KLHL32: variants seen among roughly 807,000 people sequenced by gnomAD.
KLHL32 encodes the protein kelch like family member 32.
KLHL32 carries 35 observed loss-of-function variants against 64.8 expected under a neutral mutation model. That is an observed-to-expected ratio of 0.54 (90% CI 0.41 to 0.72). The LOEUF is 0.72. Ranked by LOEUF, KLHL32 falls within the 30% of genes least tolerant of loss-of-function variation. KLHL32 has a pLI of 0.00. For missense variants in KLHL32, 589 were observed against 768.5 expected (o/e 0.77, Z 2.76); for synonymous variants, 259 against 281.0 (o/e 0.92, Z 0.78).
intron 3 of KLHL32, among the ~76,000 whole-genome samples, chr6:96,995,326 T>C (rs1461005970): frequency 6.6e-6 from 1 of 152,208 alleles, no homozygotes; most frequent in African/African-American, 2.4e-5. Flanking sequence ...AGAATAACTT[T>C]TTAATTTCAT....
intron 8 of KLHL32, among the ~76,000 whole-genome samples, chr6:97,130,523 A>G (rs1799323698): frequency 6.6e-6 from 1 of 152,190 alleles, no homozygotes; most frequent in Non-Finnish European, 1.5e-5. Flanking sequence ...ATGCAACACA[A>G]ACTAGAGGAG....
At chr6:97,131,944 T>G (rs1283870843) in intron 9 of KLHL32, among the ~76,000 whole-genome samples, 2 of 152,140 alleles carry the variant, frequency 1.3e-5, no homozygotes, top group Non-Finnish European at 2.9e-5. Flanking sequence ...GTCAATCCTG[T>G]GTCAGCCCAT....
In KLHL32 at chr6:97,052,088, A is replaced by G. The variant is rs117203043; in HGVS notation, c.312+10489A>G. ...CTTACACAAATTACTCTAAGCACCA[A>G]TAGAATTTCCTAACCATATGTAAAA... is the stretch of plus-strand genomic sequence containing the variant. On this transcript the variant is annotated intron_variant, in intron 4 of 10. Coordinates refer to ENST00000369261, the MANE Select transcript of KLHL32 (RefSeq NM_052904.4). Among the ~76,000 whole-genome samples the G allele has an allele frequency of 4.4e-3, 670 of 152,332 alleles. 2 individuals carry two copies. Among genetic ancestry groups the G allele is most frequent in the Non-Finnish European group, 7.6e-3 (517 of 68,032 alleles).
At chr6:97,042,464 T>G (rs1057240476) in intron 4 of KLHL32, among the ~76,000 whole-genome samples, 2 of 152,214 alleles carry the variant, frequency 1.3e-5, no homozygotes, top group Non-Finnish European at 2.9e-5. Context: ...TGGGAGCTCA[T>G]TTTTCTACTG....
chr6:97,077,917 A>G (rs1056746956), intron 5 of KLHL32, among the ~76,000 whole-genome samples: 2 of 152,192 alleles, frequency 1.3e-5, no homozygotes, highest in Admixed American at 1.3e-4. Context: ...TACTAGGTAC[A>G]TTTTTAATAG....
chr6:97,009,657 A>G lies in KLHL32; in HGVS notation c.205-31835A>G, dbSNP rs908899113. 3.9e-5 allele frequency among the ~76,000 whole-genome samples: 6 copies of G among 152,322 alleles called. No individual in the cohort carries two copies. In the South Asian group the frequency reaches 6.2e-4, roughly 16 times the overall value. On this transcript the variant is annotated intron_variant, in intron 3 of 10. Coordinates refer to ENST00000369261, the MANE Select transcript of KLHL32 (RefSeq NM_052904.4). The stretch of plus-strand genomic sequence containing the variant: ...TTACTGTTTTGAACATAATTTGTTT[A>G]CTACTTTGAATTCCCTATTTGATGG...
chr6:97,118,037 C>T (rs1052080765), intron 7 of KLHL32, among the ~76,000 whole-genome samples: 2 of 152,146 alleles, frequency 1.3e-5, no homozygotes, highest in African/African-American at 4.8e-5. Context: ...ATTTAGCAAA[C>T]ATACTTCCTG....
At chr6:96,982,715 T>C (rs1448802565) in intron 3 of KLHL32, among the ~76,000 whole-genome samples, 2 of 152,198 alleles carry the variant, frequency 1.3e-5, no homozygotes, top group African/African-American at 4.8e-5. Context: ...GCTTGTGATT[T>C]TTGCACATTG....
chr6:96,932,863 A>C (rs1441672258), intron 1 of KLHL32, among the ~76,000 whole-genome samples: 1 of 152,030 alleles, frequency 6.6e-6, no homozygotes, highest in East Asian at 1.9e-4. Context: ...GAGCCACTGT[A>C]CCTTACCAAG....
chr6:96,937,757 G>C lies in KLHL32; in HGVS notation c.-66+12731G>C, dbSNP rs1450527091. Among the ~76,000 whole-genome samples, 2 of 152,094 alleles carry C rather than the reference G, an allele frequency of 1.3e-5. 1 individual carries two copies. Among genetic ancestry groups the C allele is most frequent in the Non-Finnish European group, 2.9e-5 (2 of 68,016 alleles). ...CCTCACAGCTGCCCTTCTGCCTTCA[G>C]CTTCCTTACAGCTTCTCTGTGCCAC... is the stretch of plus-strand genomic sequence containing the variant. On this transcript the variant is annotated intron_variant, in intron 1 of 10. Transcript: ENST00000369261.
intron 1 of KLHL32, among the ~76,000 whole-genome samples, chr6:96,928,276 C>T (rs1244677449): frequency 2.0e-5 from 3 of 152,052 alleles, no homozygotes; most frequent in Non-Finnish European, 4.4e-5. Context: ...ATCCTTATAG[C>T]TATTGAAAGA....
intron 3 of KLHL32, among the ~76,000 whole-genome samples, chr6:97,018,034 T>G (rs1781472254): frequency 6.6e-6 from 1 of 152,210 alleles, no homozygotes; most frequent in South Asian, 2.1e-4. Flanking sequence ...AATGCCACAT[T>G]ACCTTAGTTA....
At chr6:97,003,340 G>A (rs957907329) in intron 3 of KLHL32, among the ~76,000 whole-genome samples, 2 of 146,650 alleles carry the variant, frequency 1.4e-5, no homozygotes, top group African/African-American at 5.2e-5. Flanking sequence ...CTTTTTAATG[G>A]GGTTATTTGT....
intron 6 of KLHL32, among the ~76,000 whole-genome samples, chr6:97,111,137 C>T (rs575348153): frequency 1.4e-4 from 21 of 152,240 alleles, no homozygotes; most frequent in African/African-American, 5.1e-4. Context: ...CCTTCAGTTG[C>T]CCCAGGACTT....
At chr6:97,124,154 A>C (rs969877348) in intron 7 of KLHL32, among the ~76,000 whole-genome samples, 3 of 152,200 alleles carry the variant, frequency 2.0e-5, no homozygotes, top group African/African-American at 7.2e-5. Flanking sequence ...TTTGTAAATT[A>C]TTTCAAAGGG....
chr6:97,082,222 G>C (rs1792653009), intron 5 of KLHL32, among the ~76,000 whole-genome samples: 1 of 152,184 alleles, frequency 6.6e-6, no homozygotes, highest in South Asian at 2.1e-4. Flanking sequence ...ATGTAAGGGA[G>C]GAATGTAGGC....
chr6:97,038,896 G>C (rs1784681670), intron 3 of KLHL32, among the ~76,000 whole-genome samples: 1 of 151,652 alleles, frequency 6.6e-6, no homozygotes, highest in South Asian at 2.1e-4. Context: ...TTCGAGACCA[G>C]CATGGCCAAC....
chr6:97,082,997 G>A (rs913957800), intron 5 of KLHL32, among the ~76,000 whole-genome samples: 17 of 152,232 alleles, frequency 1.1e-4, no homozygotes, highest in African/African-American at 2.6e-4. Context: ...GCTCTCCCCC[G>A]CAACCTACTG....
At chr6:97,123,027 A>G (rs1798520521) in intron 7 of KLHL32, among the ~76,000 whole-genome samples, 1 of 152,024 alleles carries the variant, frequency 6.6e-6, no homozygotes, top group Non-Finnish European at 1.5e-5. Flanking sequence ...TTTGCATCCC[A>G]CTCTGTCCTG....
Sources: allele counts gnomAD v4.1 joint callset (sites outside exome capture counted in the v4.1 genomes callset), GRCh38; gene constraint gnomAD v4.1.1; transcripts MANE v1.5; gene names NCBI Gene and HGNC (gene_info 2026-07-23, HGNC 2026-07-21).